KALRN: variants seen among roughly 807,000 people sequenced by gnomAD.
KALRN encodes the protein kalirin RhoGEF kinase.
Under a neutral mutation model 353.7 loss-of-function variants are expected in KALRN, and 70 were observed. That is an observed-to-expected ratio of 0.20 (90% confidence interval 0.16 to 0.24). The LOEUF is 0.24. Ranked by LOEUF, KALRN falls within the 10% of genes least tolerant of loss-of-function variation. The pLI is 1.00. For missense variants in KALRN, 2,791 were observed against 3,756.7 expected (o/e 0.74, Z 6.72); for synonymous variants, 1,391 against 1,434.8 (o/e 0.97, Z 0.69).
At chr3:124,620,440 G>C (rs751076984) in intron 34 of KALRN, among the ~76,000 whole-genome samples, 6 of 152,160 alleles carry the variant, frequency 3.9e-5, no homozygotes, top group Non-Finnish European at 8.8e-5. Context: ...GAAGTCTTTT[G>C]GGAAAGTTTT....
At chr3:124,289,963 A>G (rs1268381402) in intron 5 of KALRN, among the ~76,000 whole-genome samples, 1 of 152,168 alleles carries the variant, frequency 6.6e-6, no homozygotes, top group Admixed American at 6.5e-5. Context: ...GTCCATGTTT[A>G]GATTGTCACA....
At chr3:124,317,565 C>T (rs1442833251) in intron 6 of KALRN, among the ~76,000 whole-genome samples, 1 of 152,078 alleles carries the variant, frequency 6.6e-6, no homozygotes. Flanking sequence ...GATTCTCAAA[C>T]ATTAATGTGC....
At chr3:124,200,427 A>ATGC (rs1560213222) in intron 1 of KALRN, among the ~76,000 whole-genome samples, 2 of 152,124 alleles carry the variant, frequency 1.3e-5, no homozygotes, top group Non-Finnish European at 1.5e-5. Flanking sequence ...CTCATGAATA[A>ATGC]TGCCTTCTGT....
chr3:124,237,583 G>C (rs2079942453), intron 3 of KALRN, among the ~76,000 whole-genome samples: 1 of 152,094 alleles, frequency 6.6e-6, no homozygotes, highest in African/African-American at 2.4e-5. Context: ...GGCTGGTCTC[G>C]AACTCCTGAC....
intron 34 of KALRN, among the ~76,000 whole-genome samples, chr3:124,615,813 G>A (rs1561430927): frequency 6.6e-6 from 1 of 152,024 alleles, no homozygotes; most frequent in South Asian, 2.1e-4. Context: ...AGACTTTTGC[G>A]GGAAGAGCAC....
At chr3:124,441,531 A>G (rs2093664551) in intron 18 of KALRN, among the ~76,000 whole-genome samples, 1 of 152,182 alleles carries the variant, frequency 6.6e-6, no homozygotes, top group Non-Finnish European at 1.5e-5. Context: ...CCTCCTAAAA[A>G]GTATAAGGAG....
chr3:124,090,150 T>G (rs996251711), intron 1 of KALRN, among the ~76,000 whole-genome samples: 2 of 151,800 alleles, frequency 1.3e-5, no homozygotes, highest in African/African-American at 4.8e-5. Context: ...AGAGATTCAG[T>G]GCAACATGGG....
intron 13 of KALRN, among the ~76,000 whole-genome samples, chr3:124,405,335 A>G (rs1397108480): frequency 1.3e-5 from 2 of 152,200 alleles, no homozygotes; most frequent in African/African-American, 2.4e-5. Context: ...GAACTCAAGT[A>G]AAATTATCAA....
At chr3:124,696,878 G>A (rs1378203574) in intron 54 of KALRN, among the ~76,000 whole-genome samples, 1 of 151,966 alleles carries the variant, frequency 6.6e-6, no homozygotes, top group Non-Finnish European at 1.5e-5. Flanking sequence ...GTGCTTCTTG[G>A]CCACCACTGC....
chr3:124,302,314 T>C (rs1415393653), intron 6 of KALRN, among the ~76,000 whole-genome samples: 1 of 152,196 alleles, frequency 6.6e-6, no homozygotes, highest in Non-Finnish European at 1.5e-5. Flanking sequence ...AGTCTTATGT[T>C]GGAAGAGTAA....
chr3:124,158,531 A>G (rs2069369767), intron 1 of KALRN, among the ~76,000 whole-genome samples: 1 of 152,162 alleles, frequency 6.6e-6, no homozygotes, highest in Non-Finnish European at 1.5e-5. Context: ...TTTGCAAAAC[A>G]CTGTTGAGTT....
chr3:124,396,363 T>C (rs1183507624), intron 12 of KALRN, among the ~76,000 whole-genome samples: 1 of 152,210 alleles, frequency 6.6e-6, no homozygotes, highest in Admixed American at 6.5e-5. Flanking sequence ...CTATTCCAAA[T>C]ATGCACATGA....
At chr3:124,551,457 G>T (rs991150177) in intron 33 of KALRN, among the ~76,000 whole-genome samples, 2 of 152,218 alleles carry the variant, frequency 1.3e-5, no homozygotes, top group Non-Finnish European at 2.9e-5. Flanking sequence ...CTGGATCTGG[G>T]GTGGTGCCAG....
intron 34 of KALRN, among the ~76,000 whole-genome samples, chr3:124,565,120 C>A (rs1561300880): frequency 6.6e-6 from 1 of 152,224 alleles, no homozygotes; most frequent in African/African-American, 2.4e-5. Context: ...ACTTCCTTTC[C>A]TCCACTAGAT....
At chr3:124,706,631 G>T (rs2150735092) in intron 57 of KALRN, among the ~76,000 whole-genome samples, 1 of 151,190 alleles carries the variant, frequency 6.6e-6, no homozygotes, top group African/African-American at 2.4e-5. Flanking sequence ...GTGCAGTGAT[G>T]CAGTCTTGGC....
chr3:124,392,612 T>TTTC (rs2089580934), intron 11 of KALRN, among the ~76,000 whole-genome samples: 1 of 66,146 alleles, frequency 1.5e-5, no homozygotes. Context: ...TCTTTCTTTC[T>TTTC]TTTTTTTTTT....
chr3:124,133,653 C>T (rs2065578382), intron 1 of KALRN, among the ~76,000 whole-genome samples: 2 of 152,186 alleles, frequency 1.3e-5, no homozygotes, highest in African/African-American at 4.8e-5. Flanking sequence ...AGTCCCCTAT[C>T]GTTCACATGT....
chr3:124,567,622 A>G (rs2073018663), intron 34 of KALRN, among the ~76,000 whole-genome samples: 4 of 152,116 alleles, frequency 2.6e-5, no homozygotes, highest in African/African-American at 9.7e-5. Flanking sequence ...TCACAGCAGC[A>G]GGTGGTGGAG....
chr3:124,118,253 A>G lies in KALRN; in HGVS notation c.73+84440A>G, dbSNP rs76222574. On this transcript the variant is annotated intron_variant, in intron 1 of 59. Coordinates refer to ENST00000682506, the MANE Select transcript of KALRN (RefSeq NM_001388419.1). ...GTGGTGGGACTCGCAGCTGGGGGACAGGACAGAGGGACTACAGATGGCAGA... is the reference window on the plus strand; with the variant it reads ...GTGGTGGGACTCGCAGCTGGGGGACGGGACAGAGGGACTACAGATGGCAGA... 7.7e-3 allele frequency among the ~76,000 whole-genome samples: 1,176 copies of G among 152,176 alleles called. 14 individuals carry two copies. Among genetic ancestry groups the G allele is most frequent in the Non-Finnish European group, 0.013 (906 of 67,994 alleles).
Sources: allele counts gnomAD v4.1 joint callset (sites outside exome capture counted in the v4.1 genomes callset), GRCh38; gene constraint gnomAD v4.1.1; transcripts MANE v1.5; gene names NCBI Gene and HGNC (gene_info 2026-07-23, HGNC 2026-07-21).